The following HS3ST5 variants were observed in gnomAD, a reference collection of about 807,000 sequenced individuals.
HS3ST5 encodes the protein heparan sulfate glucosamine 3-O-sulfotransferase 5.
HS3ST5 carries 10 observed loss-of-function variants against 25.4 expected under a neutral mutation model. The observed-to-expected ratio is 0.39, with a 90% confidence interval of 0.24 to 0.67. The LOEUF (loss-of-function observed/expected upper bound fraction) is 0.67, where lower values mean the gene tolerates loss of function less well. Among genes scored for constraint, HS3ST5 ranks in the 30% least tolerant of loss-of-function variants. The probability of loss-of-function intolerance (pLI) is 0.44; values close to 1 mark genes in which losing one functional copy is unlikely to be tolerated. For synonymous variants in HS3ST5, 170 were observed against 162.4 expected, an observed-to-expected ratio of 1.05 and a Z score of -0.36; for missense variants, 324 against 420.7, an observed-to-expected ratio of 0.77 and a Z score of 2.01.
intron 2 of HS3ST5, among the ~76,000 whole-genome samples, chr6:114,186,506 G>A (rs1780224410): frequency 6.6e-6 from 1 of 152,164 alleles, no homozygotes; most frequent in Non-Finnish European, 1.5e-5. Context: ...TATGAAGGCT[G>A]AGAGACGTGA....
intron 1 of HS3ST5, among the ~76,000 whole-genome samples, chr6:114,270,822 A>G (rs9488363): frequency 0.55 from 82,932 of 151,886 alleles, 22,829 homozygotes; most frequent in Middle Eastern, 0.65. Context: ...AAAAATAAAA[A>G]GGGTTGGGAT....
intron 1 of HS3ST5, among the ~76,000 whole-genome samples, chr6:114,299,386 T>C (rs904763805): frequency 6.6e-6 from 1 of 152,196 alleles, no homozygotes; most frequent in African/African-American, 2.4e-5. Context: ...GGTCCTGTGA[T>C]CTCGCACTGC....
At chr6:114,144,143 A>T (rs1232265694) in intron 3 of HS3ST5, among the ~76,000 whole-genome samples, 1 of 152,198 alleles carries the variant, frequency 6.6e-6, no homozygotes, top group Non-Finnish European at 1.5e-5. Flanking sequence ...TAGCCTGAGC[A>T]GACTGTCACA....
chr6:114,205,644 CTAGTTTGG>C (rs1406753615), intron 2 of HS3ST5, among the ~76,000 whole-genome samples: 11 of 152,162 alleles, frequency 7.2e-5, no homozygotes, highest in Non-Finnish European at 1.6e-4. Context: ...GGTTAACTCT[CTAGTTTGG>C]TAGTCCTCAA....
intron 3 of HS3ST5, among the ~76,000 whole-genome samples, chr6:114,153,585 T>C (rs1465604347): frequency 6.6e-6 from 1 of 152,232 alleles, no homozygotes; most frequent in African/African-American, 2.4e-5. Context: ...GATTATCATA[T>C]TCTGTCTTAT....
At position 114,061,081 on chromosome 6, in the gene HS3ST5, C is replaced by T. The variant is rs530062124; in HGVS notation, c.107+1658G>A. On this transcript the variant is annotated intron_variant, in intron 4 of 4. Coordinates refer to ENST00000312719, the MANE Select transcript of HS3ST5 (RefSeq NM_153612.4). ...AGAGGCTTTTAGAAAGCCCACCAAA[C>T]AATTCAATTCCAAATAAAAGCTATC... 2.5e-4 allele frequency among the ~76,000 whole-genome samples: 38 copies of T among 152,186 alleles called. No individual in the cohort carries two copies. The South Asian group carries it at 7.9e-3, about 32-fold the overall frequency.
intron 1 of HS3ST5, among the ~76,000 whole-genome samples, chr6:114,259,293 T>C (rs1449944908): frequency 6.6e-6 from 1 of 151,858 alleles, no homozygotes; most frequent in East Asian, 1.9e-4. Context: ...GTGTTCATAA[T>C]TGATGACACT....
intron 3 of HS3ST5, among the ~76,000 whole-genome samples, chr6:114,133,815 G>A (rs1271207723): frequency 6.6e-6 from 1 of 152,140 alleles, no homozygotes; most frequent in Non-Finnish European, 1.5e-5. Flanking sequence ...GAGATAGGGT[G>A]CAGGGGCTTG....
At chr6:114,229,723 C>T (rs72954546) in intron 1 of HS3ST5, among the ~76,000 whole-genome samples, 14,917 of 152,220 alleles carry the variant, frequency 0.098, 831 homozygotes, top group Middle Eastern at 0.14. Context: ...CAGAATATTG[C>T]TTTATTGATA....
chr6:114,280,548 G>C (rs561589890), intron 1 of HS3ST5, among the ~76,000 whole-genome samples: 1 of 152,020 alleles, frequency 6.6e-6, no homozygotes, highest in African/African-American at 2.4e-5. Context: ...GTGGCATAAC[G>C]ATGGTTACTG....
chr6:114,293,530 T>C (rs1774676072), intron 1 of HS3ST5, among the ~76,000 whole-genome samples: 1 of 152,086 alleles, frequency 6.6e-6, no homozygotes, highest in African/African-American at 2.4e-5. Flanking sequence ...CCTGAGACTG[T>C]TGTAGTAAAA....
At chr6:114,227,656 A>T (rs938175439) in intron 2 of HS3ST5, among the ~76,000 whole-genome samples, 1 of 152,080 alleles carries the variant, frequency 6.6e-6, no homozygotes, top group Non-Finnish European at 1.5e-5. Context: ...TAATGGAAAG[A>T]GGTATTAAGC....
intron 1 of HS3ST5, among the ~76,000 whole-genome samples, chr6:114,238,647 T>C (rs187192831): frequency 9.9e-5 from 15 of 152,222 alleles, no homozygotes; most frequent in East Asian, 5.8e-4. Flanking sequence ...AAAGGAATCA[T>C]TGGGAGAGGG....
Position 114,084,528 on chromosome 6 carries a change from C to T in HS3ST5, c.-32-21651G>A, listed in dbSNP as rs957528835. 4 of 759,100 alleles carry T rather than the reference C, an allele frequency of 5.3e-6. No individual in the cohort carries two copies. In the Admixed American group the frequency reaches 6.8e-5, roughly 13 times the overall value. 47.0% of individuals were successfully genotyped at this position (759,100 alleles called of 1,614,324 possible). The stretch of plus-strand genomic sequence containing the variant: ...TGCGCAGAACTTCCCGAGCCGGCGT[C>T]CACCGCATCACACCCGCTGAGTGAG... On this transcript the variant is annotated intron_variant, in intron 3 of 4. Coordinates refer to ENST00000312719, the MANE Select transcript of HS3ST5 (RefSeq NM_153612.4).
At chr6:114,216,392 T>A (rs1387791744) in intron 2 of HS3ST5, among the ~76,000 whole-genome samples, 2 of 152,192 alleles carry the variant, frequency 1.3e-5, no homozygotes, top group Non-Finnish European at 2.9e-5. Flanking sequence ...GGCTGTTAAT[T>A]TTTTTATACT....
chr6:114,223,451 A>C (rs534020494), intron 2 of HS3ST5, among the ~76,000 whole-genome samples: 1 of 151,876 alleles, frequency 6.6e-6, no homozygotes, highest in South Asian at 2.1e-4. Context: ...TGAGCTTAGG[A>C]GTCTGCAAAA....
At chr6:114,248,724 A>C (rs1772503360) in intron 1 of HS3ST5, among the ~76,000 whole-genome samples, 1 of 152,244 alleles carries the variant, frequency 6.6e-6, no homozygotes, top group Non-Finnish European at 1.5e-5. Context: ...GTTACAGTCT[A>C]ATGATTCAGA....
At chr6:114,256,214 T>G (rs180885738) in intron 1 of HS3ST5, among the ~76,000 whole-genome samples, 1 of 151,810 alleles carries the variant, frequency 6.6e-6, no homozygotes, top group Non-Finnish European at 1.5e-5. Context: ...CAGTGAAACC[T>G]CGTCTCTACT....
chr6:114,180,778 T>TAG (rs1343014312), intron 2 of HS3ST5, among the ~76,000 whole-genome samples: 9 of 152,346 alleles, frequency 5.9e-5, no homozygotes, highest in African/African-American at 2.2e-4. Flanking sequence ...TGAACCTTAA[T>TAG]TACTTCCTAA....
Sources: allele counts gnomAD v4.1 joint callset (sites outside exome capture counted in the v4.1 genomes callset), GRCh38; gene constraint gnomAD v4.1.1; transcripts MANE v1.5; gene names NCBI Gene and HGNC (gene_info 2026-07-23, HGNC 2026-07-21).